The following HDAC9 variants were observed in gnomAD, a reference collection of about 807,000 sequenced individuals.
The protein encoded by HDAC9 is histone deacetylase 9, also known as MEF-2 interacting transcription repressor (MITR) protein.
A neutral mutation model predicts 139.4 loss-of-function variants in HDAC9; 41 were observed. That is an observed-to-expected ratio of 0.29 (90% CI 0.23 to 0.38). The LOEUF is 0.38. Ranked by LOEUF, HDAC9 falls within the 10% of genes least tolerant of loss-of-function variation. The pLI is 1.00. For synonymous variants in HDAC9, 517 were observed against 476.2 expected, an observed-to-expected ratio of 1.09 and a Z score of -1.12; for missense variants, 1,147 against 1,297.0, an observed-to-expected ratio of 0.88 and a Z score of 1.78.
At chr7:18,578,798 AG>A (rs780220205) in intron 2 of HDAC9, among the ~76,000 whole-genome samples, 2 of 152,214 alleles carry the variant, frequency 1.3e-5, no homozygotes, top group African/African-American at 2.4e-5. Flanking sequence ...TTGGATCTTC[AG>A]CCCTCAAGAC....
chr7:18,166,077 T>C (rs1434801997), intron 2 of HDAC9, among the ~76,000 whole-genome samples: 1 of 152,174 alleles, frequency 6.6e-6, no homozygotes, highest in East Asian at 1.9e-4. Context: ...ACATCAACCC[T>C]AACATGATTT....
chr7:18,951,017 C>A (rs1400279747), intron 23 of HDAC9, among the ~76,000 whole-genome samples: 2 of 151,888 alleles, frequency 1.3e-5, no homozygotes, highest in African/African-American at 2.4e-5. Context: ...TAAAAAAAAT[C>A]AGTGAGCTGT....
chr7:18,354,997 A>G (rs1466928482), intron 1 of HDAC9, among the ~76,000 whole-genome samples: 5 of 152,196 alleles, frequency 3.3e-5, no homozygotes, highest in Non-Finnish European at 7.4e-5. Context: ...TGATAAATTA[A>G]TAATTACAGA....
chr7:18,589,473 G>A (rs1267436345), intron 3 of HDAC9, among the ~76,000 whole-genome samples: 1 of 152,166 alleles, frequency 6.6e-6, no homozygotes, highest in African/African-American at 2.4e-5. Flanking sequence ...GATTGAGGCT[G>A]CAGTGAGCTA....
chr7:18,975,454 G>C (rs2717352), intron 24 of HDAC9, among the ~76,000 whole-genome samples: 2,880 of 152,276 alleles, frequency 0.019, 95 homozygotes, highest in African/African-American at 0.063. Flanking sequence ...TAAGAGTGCT[G>C]CCTCCTGGTC....
rs181953725 is a variant in HDAC9 at position 18,260,190 on chromosome 7, A to T, written c.25+97841A>T. ...TGAGTTCCCAATGGCTGCCTTTTAA[A>T]CCTGGTCAAAGCCTTGCTAGTCAAA... On this transcript the variant is annotated intron_variant, in intron 2 of 12. Coordinates refer to the HDAC9 transcript ENST00000417496. 3.1e-4 allele frequency among the ~76,000 whole-genome samples: 47 copies of T among 152,088 alleles called. No individual in the cohort carries two copies. In the East Asian group the frequency reaches 8.7e-3, roughly 28 times the overall value.
intron 6 of HDAC9, among the ~76,000 whole-genome samples, chr7:18,600,248 T>G (rs1395231175): frequency 1.3e-5 from 2 of 152,220 alleles, no homozygotes; most frequent in Non-Finnish European, 2.9e-5. Flanking sequence ...AATCAGTGGT[T>G]TATCTTTTAA....
rs774174945 is a variant in HDAC9, at chr7:18,937,489, ATAAT to A, written c.2937+1548_2937+1551del. 1.0e-3 allele frequency among the ~76,000 whole-genome samples: 158 copies of A among 152,292 alleles called. 1 individual carries two copies. The Middle Eastern group carries it at 0.021, about 20-fold the overall frequency. ...GTCTTTCTGTGATCCCTGTACACCA[ATAAT>A]GTCAAACAGGATGTTGAGTGTTTTT... On this transcript the variant is annotated intron_variant, in intron 23 of 25. Transcript: ENST00000686413.
chr7:18,967,506 CAAAA>C (rs777814332), intron 24 of HDAC9, among the ~76,000 whole-genome samples: 18 of 119,266 alleles, frequency 1.5e-4, no homozygotes, highest in African/African-American at 5.2e-4. Context: ...GCCCCCCCCC[CAAAA>C]AAAAAAAAGC....
chr7:18,268,096 A>G (rs1439756019), intron 2 of HDAC9, among the ~76,000 whole-genome samples: 1 of 152,154 alleles, frequency 6.6e-6, no homozygotes, highest in Non-Finnish European at 1.5e-5. Context: ...ATCAATTAGT[A>G]TTTTCATTAC....
chr7:18,466,889 ATTC>A (rs1794325367), intron 1 of HDAC9, among the ~76,000 whole-genome samples: 1 of 152,112 alleles, frequency 6.6e-6, no homozygotes, highest in Non-Finnish European at 1.5e-5. Context: ...GGGAAACCTT[ATTC>A]TTCTCAATCT....
At chr7:18,258,667 A>G (rs1017301661) in intron 2 of HDAC9, among the ~76,000 whole-genome samples, 3 of 152,228 alleles carry the variant, frequency 2.0e-5, no homozygotes, top group Non-Finnish European at 2.9e-5. Context: ...CACAGCTAAT[A>G]TGTTACAAAG....
chr7:18,619,229 G>A (rs973289871), intron 6 of HDAC9, among the ~76,000 whole-genome samples: 2 of 152,098 alleles, frequency 1.3e-5, no homozygotes, highest in African/African-American at 4.8e-5. Context: ...TGATCTATGA[G>A]ACCTCTTGCC....
chr7:18,992,765 A>G (rs1397668419), intron 25 of HDAC9, among the ~76,000 whole-genome samples: 2 of 152,140 alleles, frequency 1.3e-5, no homozygotes, highest in Middle Eastern at 3.4e-3. Context: ...ATCCTTCTTT[A>G]GGATATGAAA....
intron 22 of HDAC9, among the ~76,000 whole-genome samples, chr7:18,877,815 T>C (rs1799433869): frequency 6.6e-6 from 1 of 152,298 alleles, no homozygotes; most frequent in African/African-American, 2.4e-5. Flanking sequence ...TGTTTTTCTT[T>C]CTTCCTCTTT....
chr7:18,345,304 G>A (rs915024659), intron 1 of HDAC9, among the ~76,000 whole-genome samples: 1 of 151,908 alleles, frequency 6.6e-6, no homozygotes, highest in Non-Finnish European at 1.5e-5. Context: ...AGCCTAAAAT[G>A]TTCTTTAGTT....
intron 16 of HDAC9, among the ~76,000 whole-genome samples, chr7:18,771,122 G>A (rs755695397): frequency 3.9e-5 from 6 of 152,096 alleles, no homozygotes; most frequent in Non-Finnish European, 5.9e-5. Context: ...TGCAGGGCAC[G>A]GGCAGAACTG....
chr7:18,708,517 C>CATG (rs751371273), intron 12 of HDAC9, among the ~76,000 whole-genome samples: 2 of 152,082 alleles, frequency 1.3e-5, no homozygotes, highest in Non-Finnish European at 2.9e-5. Context: ...TGCATAAGGC[C>CATG]CTGTGGAAAC....
At chr7:18,977,919 GACACACACACACACACAC>G (rs147049392) in intron 25 of HDAC9, among the ~76,000 whole-genome samples, 8 of 140,930 alleles carry the variant, frequency 5.7e-5, no homozygotes, top group South Asian at 2.3e-4. Context: ...CAGACAGACA[GACACACACACACACACAC>G]ACACACACAC....
Sources: gnomAD v4.1 joint callset for allele counts (sites outside exome capture counted in the v4.1 genomes callset) on GRCh38, gnomAD v4.1.1 for gene constraint, MANE v1.5 for transcripts, NCBI Gene and HGNC (gene_info 2026-07-23, HGNC 2026-07-21) for gene names.